UTS2: variants seen among roughly 807,000 people sequenced by gnomAD.
UTS2 encodes urotensin 2, also known as urotensin-2.
UTS2 carries 10 observed loss-of-function variants against 12.6 expected under a neutral mutation model. That is an observed-to-expected ratio of 0.80 (90% CI 0.49 to 1.35). The LOEUF (loss-of-function observed/expected upper bound fraction) is 1.35. Ranked by LOEUF, UTS2 falls within the 40% of genes most tolerant of loss-of-function variation. The probability of loss-of-function intolerance (pLI) is 0.00; values close to 1 mark genes in which losing one functional copy is unlikely to be tolerated. For synonymous variants in UTS2, 52 were observed against 50.0 expected (o/e 1.04, Z -0.17); for missense variants, 142 against 143.2 (o/e 0.99, Z 0.04).
chr1:7,906,492 A>AAAGAAAGAAAGG, the UTS2 span, among the ~76,000 whole-genome samples: 2 of 149,698 alleles, frequency 1.3e-5, no homozygotes, highest in African/African-American at 5.0e-5. Flanking sequence ...AGAAAGAAAG[A>AAAGAAAGAAAGG]AAGAAAGAAA....
In UTS2 at chr1:7,852,914, G is replaced by T; in HGVS notation, c.90C>A (p.Ser30=). ...SLPLLDSREI[S]FQLSAPHEDA... is the part of the protein sequence containing the mutation. ...AAAAAATCTTACCTGAGAGTTGAAA[G>T]GATATTTCCCTGGAGTCAAGGAGAG... Residue 30 remains serine, a synonymous_variant, in exon 1 of 4, where the codon TCC becomes TCA. Transcript: ENST00000361696. 1.2e-6 allele frequency: 2 copies of T among 1,608,988 alleles called. No individual in the cohort carries two copies. The highest frequency in any genetic ancestry group is 1.1e-5 in the South Asian group (1 of 89,696).
the UTS2 span, among the ~76,000 whole-genome samples, chr1:7,898,041 C>G: frequency 5.9e-5 from 9 of 152,148 alleles, no homozygotes; most frequent in Non-Finnish European, 1.0e-4. Context: ...TGATAAACTT[C>G]TCTTGTTATT....
chr1:7,868,414 T>C, the UTS2 span, among the ~76,000 whole-genome samples: 1 of 152,190 alleles, frequency 6.6e-6, no homozygotes, highest in Non-Finnish European at 1.5e-5. Context: ...TTTATAATCT[T>C]TCTACCAACA....
the UTS2 span, among the ~76,000 whole-genome samples, chr1:7,895,806 CTATT>C: frequency 8.1e-4 from 124 of 152,278 alleles, no homozygotes; most frequent in African/African-American, 2.9e-3. Context: ...TGATAAAACT[CTATT>C]TGAGTGATTT....
At chr1:7,890,967 A>AC in the UTS2 span, among the ~76,000 whole-genome samples, 3,603 of 135,710 alleles carry the variant, frequency 0.027, 191 homozygotes, top group African/African-American at 0.062. Context: ...GATACCCTCC[A>AC]CCCCCCCCCA....
the UTS2 span, among the ~76,000 whole-genome samples, chr1:7,863,063 G>T: frequency 1.3e-5 from 1 of 75,072 alleles, no homozygotes; most frequent in South Asian, 5.2e-4. Context: ...GTATTGTATT[G>T]TATTGTATTG....
chr1:7,849,771 T>G (rs2097411990), intron 2 of UTS2, 88 bp from the exon 3 acceptor site: 1 of 1,200,980 alleles, frequency 8.3e-7, no homozygotes, highest in Non-Finnish European at 1.2e-6. Flanking sequence ...ATTACTAAAT[T>G]ATGTCTAGTT....
At chr1:7,861,041 C>CA in the UTS2 span, among the ~76,000 whole-genome samples, 4,488 of 74,458 alleles carry the variant, frequency 0.06, 144 homozygotes, top group Middle Eastern at 0.12. Flanking sequence ...GGCCTTATCT[C>CA]AAAAAAAAAA....
chr1:7,892,142 C>T, the UTS2 span, among the ~76,000 whole-genome samples: 7 of 152,202 alleles, frequency 4.6e-5, no homozygotes, highest in South Asian at 2.1e-4. Flanking sequence ...CTTGTCACTG[C>T]ATGGTCAGGG....
At chr1:7,871,904 C>A in the UTS2 span, among the ~76,000 whole-genome samples, 11 of 152,174 alleles carry the variant, frequency 7.2e-5, no homozygotes, top group African/African-American at 2.4e-4. Flanking sequence ...TTCCCTGAGA[C>A]AAACAATATT....
the UTS2 span, among the ~76,000 whole-genome samples, chr1:7,897,426 A>T: frequency 6.6e-6 from 1 of 152,206 alleles, no homozygotes; most frequent in South Asian, 2.1e-4. Flanking sequence ...CATATTGTCA[A>T]GTTCCTTGAA....
At chr1:7,911,900 CAAAA>C in the UTS2 span, among the ~76,000 whole-genome samples, 91 of 133,636 alleles carry the variant, frequency 6.8e-4, no homozygotes, top group East Asian at 2.0e-3. Context: ...GACTCTGTCT[CAAAA>C]AAAAAAAAAA....
At chr1:7,892,944 A>T in the UTS2 span, among the ~76,000 whole-genome samples, 1 of 152,106 alleles carries the variant, frequency 6.6e-6, no homozygotes, top group Non-Finnish European at 1.5e-5. Context: ...GGGGCATAGG[A>T]CACGGACATC....
the UTS2 span, among the ~76,000 whole-genome samples, chr1:7,869,087 C>T: frequency 6.6e-6 from 1 of 152,244 alleles, no homozygotes; most frequent in East Asian, 1.9e-4. Flanking sequence ...GCAGGCAGCA[C>T]ATGCCCAGTG....
At chr1:7,869,070 G>A in the UTS2 span, among the ~76,000 whole-genome samples, 5 of 152,206 alleles carry the variant, frequency 3.3e-5, no homozygotes, top group African/African-American at 1.2e-4. Context: ...AGCCCCAACA[G>A]ACTAAGGCAG....
the UTS2 span, among the ~76,000 whole-genome samples, chr1:7,889,027 T>C: frequency 6.8e-6 from 1 of 148,088 alleles, no homozygotes; most frequent in Non-Finnish European, 1.5e-5. Context: ...AGGGTGCTCA[T>C]AAAGGGAAAC....
At chr1:7,885,277 G>A in the UTS2 span, among the ~76,000 whole-genome samples, 1 of 152,200 alleles carries the variant, frequency 6.6e-6, no homozygotes, top group Non-Finnish European at 1.5e-5. Flanking sequence ...TTGTCCATTT[G>A]TCTGTGTCCT....
chr1:7,857,798 C>T (rs1042698445), upstream of UTS2, among the ~76,000 whole-genome samples: 1 of 148,350 alleles, frequency 6.7e-6, no homozygotes, highest in Non-Finnish European at 1.5e-5. Context: ...TGCAGTGAGC[C>T]GTGATCATGC....
At chr1:7,884,002 C>T in the UTS2 span, among the ~76,000 whole-genome samples, 33 of 151,688 alleles carry the variant, frequency 2.2e-4, no homozygotes, top group African/African-American at 5.1e-4. Context: ...TTAGTAGAGA[C>T]GGGGTTTCTC....
Sources: gnomAD v4.1 joint callset for allele counts (sites outside exome capture counted in the v4.1 genomes callset) on GRCh38, gnomAD v4.1.1 for gene constraint, MANE v1.5 for transcripts, NCBI Gene and HGNC (gene_info 2026-07-23, HGNC 2026-07-21) for gene names.